PLEKHA5: variants seen among roughly 807,000 people sequenced by gnomAD.
PLEKHA5 encodes pleckstrin homology domain containing A5, also known as pleckstrin homology domain-containing family A member 5.
Under a neutral mutation model 181.9 loss-of-function variants are expected in PLEKHA5, and 55 were observed. The observed-to-expected ratio is 0.30, with a 90% confidence interval of 0.24 to 0.38. The LOEUF (loss-of-function observed/expected upper bound fraction) is 0.38, where lower values mean the gene tolerates loss of function less well. Among genes scored for constraint, PLEKHA5 ranks in the 10% least tolerant of loss-of-function variants. The pLI is 1.00. For missense variants in PLEKHA5, 1,432 were observed against 1,549.5 expected, an observed-to-expected ratio of 0.92 and a Z score of 1.27; for synonymous variants, 535 against 529.4, an observed-to-expected ratio of 1.01 and a Z score of -0.15.
intron 3 of PLEKHA5, among the ~76,000 whole-genome samples, chr12:19,221,776 CG>C (rs2058979679): frequency 6.6e-6 from 1 of 151,894 alleles, no homozygotes; most frequent in South Asian, 2.1e-4. Flanking sequence ...GTCTGTAAGA[CG>C]AAAGACAAAC....
intron 3 of PLEKHA5, among the ~76,000 whole-genome samples, chr12:19,214,489 G>A (rs2057564649): frequency 6.6e-6 from 1 of 152,148 alleles, no homozygotes; most frequent in Non-Finnish European, 1.5e-5. Context: ...AGTGACTAAA[G>A]TGTGTTTTTC....
At chr12:19,132,353 C>A in intron 2 of PLEKHA5, 40 bp from the exon 3 acceptor site, 4 of 942,626 alleles carry the variant, frequency 4.2e-6, no homozygotes, top group East Asian at 2.6e-5. Context: ...ATTTTGCTAT[C>A]ATTGAAGTAA....
intron 3 of PLEKHA5, among the ~76,000 whole-genome samples, chr12:19,206,972 A>T (rs539368852): frequency 6.6e-5 from 10 of 152,296 alleles, no homozygotes; most frequent in African/African-American, 2.4e-4. Context: ...AAGATTCATG[A>T]GGGGATAAGT....
intron 3 of PLEKHA5, among the ~76,000 whole-genome samples, chr12:19,192,224 T>G (rs2051311695): frequency 6.6e-6 from 1 of 152,156 alleles, no homozygotes; most frequent in Admixed American, 6.5e-5. Flanking sequence ...TACAGAGAAG[T>G]GCTGACATTT....
rs73343069 is a variant in PLEKHA5 at position 19,158,528 on chromosome 12, C to T, written c.227+26078C>T. Among the ~76,000 whole-genome samples, 798 of 151,862 alleles carry T rather than the reference C, an allele frequency of 5.3e-3. 11 individuals carry two copies. Among genetic ancestry groups the T allele is most frequent in the African/African-American group, 0.019 (769 of 41,424 alleles). Reference sequence around the variant, plus strand: ...CCTCTTCTTGATTTTTCTTTTTTTTCAGGTTCTGAGCTTCCACTGACTGTG... The same window carrying T: ...CCTCTTCTTGATTTTTCTTTTTTTTTAGGTTCTGAGCTTCCACTGACTGTG... On this transcript the variant is annotated intron_variant, in intron 3 of 31. Coordinates refer to ENST00000429027, the MANE Select transcript of PLEKHA5 (RefSeq NM_001256470.2).
intron 15 of PLEKHA5, among the ~76,000 whole-genome samples, chr12:19,301,105 G>A (rs1468006517): frequency 1.4e-4 from 22 of 152,098 alleles, no homozygotes; most frequent in South Asian, 4.2e-4. Context: ...AGCCGAGATC[G>A]CGCCATTGCA....
At chr12:19,243,743 G>A (rs2063113252) in intron 3 of PLEKHA5, among the ~76,000 whole-genome samples, 1 of 152,084 alleles carries the variant, frequency 6.6e-6, no homozygotes, top group Non-Finnish European at 1.5e-5. Flanking sequence ...GTGGGGAAAG[G>A]AAATATATAC....
At chr12:19,221,578 C>A (rs993984172) in intron 3 of PLEKHA5, among the ~76,000 whole-genome samples, 1 of 152,014 alleles carries the variant, frequency 6.6e-6, no homozygotes, top group Non-Finnish European at 1.5e-5. Flanking sequence ...CTGTCAAAAC[C>A]CATTGAAGTT....
chr12:19,345,996 A>G, intron 23 of PLEKHA5, 108 bp downstream of exon 23: 1 of 533,038 alleles, frequency 1.9e-6, no homozygotes, highest in South Asian at 2.7e-5. Context: ...TTTTAAATAT[A>G]TTGAACAGAT....
At chr12:19,142,560 T>A (rs1183153122) in intron 3 of PLEKHA5, among the ~76,000 whole-genome samples, 1 of 152,208 alleles carries the variant, frequency 6.6e-6, no homozygotes, top group Non-Finnish European at 1.5e-5. Flanking sequence ...GAAAAATCAA[T>A]TCTGTTCTAT....
At chr12:19,213,062 A>G (rs1158898210) in intron 3 of PLEKHA5, among the ~76,000 whole-genome samples, 1 of 152,160 alleles carries the variant, frequency 6.6e-6, no homozygotes, top group Non-Finnish European at 1.5e-5. Flanking sequence ...ATAGTGAAAC[A>G]AACATGAGAT....
At position 19,149,150 on chromosome 12, in the gene PLEKHA5, A is replaced by G. The variant is rs560502954; in HGVS notation, c.227+16700A>G. Among the ~76,000 whole-genome samples, 14 of 152,326 alleles carry G rather than the reference A, an allele frequency of 9.2e-5. No individual in the cohort carries two copies. The East Asian group carries it at 1.3e-3, about 15-fold the overall frequency. ...AAAAACATTAATGGAGACAATTAAT[A>G]TATTATCAGAGTTGAATAGAGGTAA... On this transcript the variant is annotated intron_variant, in intron 3 of 31. Coordinates refer to ENST00000429027, the MANE Select transcript of PLEKHA5 (RefSeq NM_001256470.2).
chr12:19,347,249 A>G (rs2094379866), intron 24 of PLEKHA5, 67 bp downstream of exon 24: 1 of 955,978 alleles, frequency 1.0e-6, no homozygotes, highest in South Asian at 2.3e-5. Context: ...AAATTAATTT[A>G]TTTTACACTC....
intron 10 of PLEKHA5, 27 bp from the exon 11 acceptor site, chr12:19,274,489 T>G (rs189239353): frequency 1.0e-4 from 142 of 1,419,784 alleles, no homozygotes; most frequent in Non-Finnish European, 1.2e-4. Flanking sequence ...TCATCTGATT[T>G]ACTATGATTT....
At chr12:19,176,512 G>C (rs1388459536) in intron 3 of PLEKHA5, 1 of 151,988 alleles carries the variant, frequency 6.6e-6, no homozygotes, top group Non-Finnish European at 1.5e-5. Context: ...CTGCAGCCCG[G>C]AACTTTTGGA....
chr12:19,227,286 CTTTTTTTT>C (rs79530115), intron 3 of PLEKHA5, among the ~76,000 whole-genome samples: 2 of 131,406 alleles, frequency 1.5e-5, no homozygotes, highest in South Asian at 2.4e-4. Flanking sequence ...CTAGTGATTT[CTTTTTTTT>C]TTTTTTTTTC....
At chr12:19,359,800 A>G (rs919891087) in intron 28 of PLEKHA5, among the ~76,000 whole-genome samples, 5 of 151,154 alleles carry the variant, frequency 3.3e-5, no homozygotes, top group Non-Finnish European at 7.4e-5. Flanking sequence ...CGTCTCTACT[A>G]AAAATGCAAA....
At chr12:19,225,039 T>C (rs1280322725) in intron 3 of PLEKHA5, among the ~76,000 whole-genome samples, 1 of 152,068 alleles carries the variant, frequency 6.6e-6, no homozygotes, top group Non-Finnish European at 1.5e-5. Context: ...TGGGGTTATC[T>C]CTTCTGTTAG....
chr12:19,332,748 G>T (rs1241664606), intron 20 of PLEKHA5, among the ~76,000 whole-genome samples: 1 of 152,150 alleles, frequency 6.6e-6, no homozygotes, highest in Non-Finnish European at 1.5e-5. Flanking sequence ...ACTGCAACCT[G>T]CACCTCGCTC....
Sources: gnomAD v4.1 joint callset for allele counts (sites outside exome capture counted in the v4.1 genomes callset) on GRCh38, gnomAD v4.1.1 for gene constraint, MANE v1.5 for transcripts, NCBI Gene and HGNC (gene_info 2026-07-23, HGNC 2026-07-21) for gene names.